ELMO2: variants seen among roughly 807,000 people sequenced by gnomAD.
The protein encoded by ELMO2 is engulfment and cell motility protein 2.
A neutral mutation model predicts 96.2 loss-of-function variants in ELMO2; 37 were observed. The ratio of observed to expected loss-of-function variants is 0.38; its 90% CI spans 0.30 to 0.51. The LOEUF (loss-of-function observed/expected upper bound fraction) is 0.51, where lower values mean the gene tolerates loss of function less well. Among genes scored for constraint, ELMO2 ranks in the 20% least tolerant of loss-of-function variants. ELMO2 has a pLI of 0.88. For missense variants in ELMO2, 561 were observed against 912.6 expected, an observed-to-expected ratio of 0.61 and a Z score of 4.96; for synonymous variants, 315 against 329.4, an observed-to-expected ratio of 0.96 and a Z score of 0.47.
chr20:46,369,020 C>A, intron 20 of ELMO2, 52 bp from the exon 21 acceptor site: 1 of 1,567,356 alleles, frequency 6.4e-7, no homozygotes, highest in Non-Finnish European at 8.8e-7. Context: ...GGGGTCTGCA[C>A]ATCAAGATCT....
intron 1 of ELMO2, among the ~76,000 whole-genome samples, chr20:46,400,364 C>G (rs1210758854): frequency 5.3e-5 from 8 of 152,174 alleles, no homozygotes. Flanking sequence ...TATAGGGAAC[C>G]CTTCCAGCAC....
chr20:46,369,247 C>CG (rs534270153), intron 20 of ELMO2: 2 of 328,368 alleles, frequency 6.1e-6, no homozygotes, highest in South Asian at 1.1e-4. Flanking sequence ...TGGAAGGTCA[C>CG]GATCCATGAC....
intron 1 of ELMO2, among the ~76,000 whole-genome samples, chr20:46,405,713 G>A (rs976140924): frequency 5.3e-5 from 8 of 152,038 alleles, no homozygotes; most frequent in African/African-American, 1.9e-4. Flanking sequence ...GTGAAACCCC[G>A]TCTCTACTAA....
At chr20:46,400,947 T>C (rs1439857443) in intron 1 of ELMO2, among the ~76,000 whole-genome samples, 1 of 152,208 alleles carries the variant, frequency 6.6e-6, no homozygotes, top group African/African-American at 2.4e-5. Flanking sequence ...TGAAAGATGA[T>C]CTCCTCCTAT....
rs545715168 is a variant in ELMO2, at chr20:46,394,900, CT to C, written c.-50-369del. 5.9e-5 allele frequency among the ~76,000 whole-genome samples: 9 copies of C among 152,272 alleles called. No individual in the cohort carries two copies. The South Asian group carries it at 1.9e-3, about 32-fold the overall frequency. ...TCCGAGACAGATAAGAATAGACAGC[CT>C]TTTCTTGGTTGAGTGGTTAGCTGGA... On this transcript the variant is annotated intron_variant, in intron 2 of 21. Coordinates refer to ENST00000290246, the MANE Select transcript of ELMO2 (RefSeq NM_133171.5).
Position 46,375,910 on chromosome 20 carries a change from C to T in ELMO2, c.808-120G>A, listed in dbSNP as rs1040055055. 2.3e-5 allele frequency: 31 copies of T among 1,336,702 alleles called. No individual in the cohort carries two copies. Among genetic ancestry groups the T allele is most frequent in the Admixed American group, 8.9e-5 (4 of 45,036 alleles). The allele number at this position is 1,336,702 out of a possible 1,614,324, so 82.8% of individuals were successfully genotyped here. On this transcript the variant is annotated intron_variant, in intron 11 of 21. Transcript: ENST00000290246. This position sits in a 1 kb window ranked among gnomAD's most constrained non-coding sequence, Gnocchi z 4.6. The stretch of plus-strand genomic sequence containing the variant: ...GGGAACAGAGCTTTCCTCCCACACA[C>T]GAGGACTTCATATTCTAGAAGGCGA...
At chr20:46,399,284 C>G (rs1305063584) in intron 1 of ELMO2, among the ~76,000 whole-genome samples, 2 of 152,224 alleles carry the variant, frequency 1.3e-5, no homozygotes, top group East Asian at 3.8e-4. Context: ...AGACAGCTCT[C>G]CACTGTCTAC....
At chr20:46,372,029 T>C in intron 16 of ELMO2, 60 bp from the exon 17 acceptor site, 1 of 1,601,440 alleles carries the variant, frequency 6.2e-7, no homozygotes. Flanking sequence ...GACAGGCCTA[T>C]TATGGAGCAC....
intron 7 of ELMO2, 194 bp from the exon 8 acceptor site, chr20:46,387,631 GCAAA>G: frequency 2.7e-5 from 1 of 36,962 alleles, no homozygotes; most frequent in South Asian, 1.8e-3. Flanking sequence ...ATCTATCGCT[GCAAA>G]AAAAAAAAAA....
At chr20:46,369,669 C>T (rs1156304694) in intron 20 of ELMO2, 1 of 155,252 alleles carries the variant, frequency 6.4e-6, no homozygotes, top group Non-Finnish European at 1.4e-5. Context: ...CTTGATAGAA[C>T]ATAATACCAC....
intron 4 of ELMO2, 189 bp downstream of exon 4, chr20:46,393,860 A>T: frequency 1.2e-6 from 1 of 848,180 alleles, no homozygotes; most frequent in South Asian, 1.8e-5. Context: ...TTAAGGAAAA[A>T]ATTAAGAAGT....
chr20:46,375,772 G>A lies in ELMO2; in HGVS notation c.826C>T (p.Arg276Cys), dbSNP rs1478278264. ...IILNHVIRGN[R>C]PIKTEMAHQL... ...TGGGCCATCTCAGTTTTGATGGGGC[G>A]GTTCCCTCGGATCACATGCTAGAAA... The change falls in exon 12 of 22, where the codon CGC (arginine) becomes TGC (cysteine). Residue 276 changes from arginine (R) to cysteine (C), a missense_variant. Transcript: ENST00000290246. The surrounding 1 kb of genome is among the most constrained non-coding windows in gnomAD (Gnocchi z 4.6). 1.5e-5 allele frequency: 24 copies of A among 1,614,062 alleles called. No individual in the cohort carries two copies. The highest frequency in any genetic ancestry group is 1.6e-4 in the Middle Eastern group (1 of 6,080).
In ELMO2 at chr20:46,373,493, T is replaced by C. The variant is rs1459399300; in HGVS notation, c.1322A>G (p.His441Arg). 4 of 1,614,176 alleles carry C rather than the reference T, an allele frequency of 2.5e-6. No homozygotes were observed. The highest frequency in any genetic ancestry group is 2.2e-5 in the East Asian group (1 of 44,886). Reference sequence around the variant, plus strand: ...AAAGAGCTCTTCAAAGGCTCGGTCATGGGTAAAGAACATCGGGTGGTAGTC... The same window carrying C: ...AAAGAGCTCTTCAAAGGCTCGGTCACGGGTAAAGAACATCGGGTGGTAGTC... ...RNDYHPMFFTHDRAFEELFGI... is the reference protein window; with the variant it reads ...RNDYHPMFFTRDRAFEELFGI... Residue 441 changes from histidine to arginine, a missense_variant, in exon 16 of 22, where the codon CAT becomes CGT. His to Arg is a conservative substitution (Grantham distance 29, BLOSUM62 0). Transcript: ENST00000290246.
At chr20:46,373,361 T>G in intron 16 of ELMO2, 38 bp downstream of exon 16, 1 of 1,611,326 alleles carries the variant, frequency 6.2e-7, no homozygotes, top group South Asian at 1.1e-5. Context: ...TGTGATGGTC[T>G]CCTCCCGTGG....
rs1225153323 is a variant in ELMO2, at chr20:46,383,511, A to G, written c.678-17T>C. On this transcript the variant is annotated splice_polypyrimidine_tract_variant and intron_variant, in intron 9 of 21. Transcript: ENST00000290246. Reference sequence around the variant, plus strand: ...TGGTTGGAGCTGTGTCAATGGAGAAAGAAGAGAGAGGGAGATTAGAAGACT... The same window carrying G: ...TGGTTGGAGCTGTGTCAATGGAGAAGGAAGAGAGAGGGAGATTAGAAGACT... 1 of 1,608,282 alleles carries G rather than the reference A, an allele frequency of 6.2e-7. No individual in the cohort carries two copies. Among genetic ancestry groups the G allele is most frequent in the African/African-American group, 1.3e-5 (1 of 74,784 alleles).
chr20:46,394,330 C>G (rs1442911546), intron 3 of ELMO2, 75 bp downstream of exon 3: 6 of 1,493,760 alleles, frequency 4.0e-6, no homozygotes, highest in Non-Finnish European at 5.6e-6. Context: ...TGGTCCCCAT[C>G]CCTCAAGATG....
Position 46,367,568 on chromosome 20 carries a change from G to T in ELMO2, c.1963-8C>A. 2 of 1,589,904 alleles carry T rather than the reference G, an allele frequency of 1.3e-6. No homozygotes were observed. Among genetic ancestry groups the T allele is most frequent in the South Asian group, 1.1e-5 (1 of 87,296 alleles). ...ATCAATCCAGATGCAGTACTGTGGG[G>T]AGCAAGTTGCAAAATGTCACATCGT... On this transcript the variant is annotated splice_polypyrimidine_tract_variant and splice_region_variant and intron_variant, in intron 21 of 21. Coordinates refer to ENST00000290246, the MANE Select transcript of ELMO2 (RefSeq NM_133171.5).
chr20:46,393,163 C>CA lies in ELMO2; in HGVS notation c.193-21dup. The CA allele has an allele frequency of 6.2e-7, 1 of 1,610,760 alleles. No individual in the cohort carries two copies. Among genetic ancestry groups the CA allele is most frequent in the South Asian group, 1.1e-5 (1 of 90,856 alleles). ...GCGAGTCTGGGTAGTGAAAAATAAA[C>CA]AAAAAAAGTAACTAAGATAAAATGT... is the stretch of plus-strand genomic sequence containing the variant. On this transcript the variant is annotated intron_variant, in intron 5 of 21. Coordinates refer to ENST00000290246, the MANE Select transcript of ELMO2 (RefSeq NM_133171.5).
chr20:46,393,501 T>C, intron 5 of ELMO2, 28 bp downstream of exon 5: 1 of 1,609,650 alleles, frequency 6.2e-7, no homozygotes, highest in Non-Finnish European at 8.5e-7. Context: ...GCAAGGCCCA[T>C]ATTGATTTTG....
Sources: allele counts gnomAD v4.1 joint callset (sites outside exome capture counted in the v4.1 genomes callset), GRCh38; gene constraint gnomAD v4.1.1; non-coding constraint Gnocchi (gnomAD v3.1); transcripts MANE v1.5; gene names NCBI Gene and HGNC (gene_info 2026-07-23, HGNC 2026-07-21).